Variants in RIF1 observed in about 807,000 individuals in gnomAD.
The protein encoded by RIF1 is replication timing regulatory factor 1.
In RIF1, 45 loss-of-function variants were observed where a neutral mutation model predicts 247.1. The observed-to-expected ratio is 0.18, with a 90% confidence interval of 0.14 to 0.23. The LOEUF (loss-of-function observed/expected upper bound fraction) is 0.23, where lower values mean the gene tolerates loss of function less well. Among genes scored for constraint, RIF1 ranks in the 10% least tolerant of loss-of-function variants. RIF1 has a pLI of 1.00. For synonymous variants in RIF1, 1,087 were observed against 978.8 expected, an observed-to-expected ratio of 1.11 and a Z score of -2.06; for missense variants, 2,967 against 2,862.5, an observed-to-expected ratio of 1.04 and a Z score of -0.83.
chr2:151,425,723 G>A (rs1435142100), intron 8 of RIF1, among the ~76,000 whole-genome samples: 3 of 131,466 alleles, frequency 2.3e-5, no homozygotes, highest in African/African-American at 8.8e-5. Context: ...CTGGAGTGCA[G>A]TGGCATGATC....
chr2:151,465,302 C>A lies in RIF1; in HGVS notation c.5782C>A (p.His1928Asn). The change falls in exon 30 of 36, where the codon CAT becomes AAT. Residue 1928 changes from histidine to asparagine, a missense_variant. Around this residue, in one of 7 missense-constraint regions of RIF1, gnomAD observed 2,028 missense variants for 1,825.6 expected, o/e 1.11. Coordinates refer to ENST00000444746, the MANE Select transcript of RIF1 (RefSeq NM_018151.5). ...ELNVGNEASF[H>N]GQERTKTGIS... ...GAATGTAGGAAATGAAGCTAGCTTTCATGGACAAGAGAGAACCAAAACTGG... is the reference window on the plus strand; with the variant it reads ...GAATGTAGGAAATGAAGCTAGCTTTAATGGACAAGAGAGAACCAAAACTGG... The A allele has an allele frequency of 6.2e-7, 1 of 1,612,716 alleles. No individual in the cohort carries two copies.
At chr2:151,505,977 A>G in intron 12 of RIF1, 6 of 612,466 alleles carry the variant, frequency 9.8e-6, no homozygotes, top group African/African-American at 3.7e-5. Context: ...TCTCTCCCTC[A>G]TGAAAACCGC....
At chr2:151,492,528 G>T in intron 9 of RIF1, 1 of 1,476,654 alleles carries the variant, frequency 6.8e-7, no homozygotes, top group Non-Finnish European at 9.4e-7. Context: ...GAGTGGTGCT[G>T]TCCTAAATCT....
At chr2:151,516,658 T>C in the RIF1 span, 1 of 813,734 alleles carries the variant, frequency 1.2e-6, no homozygotes, top group Non-Finnish European at 2.1e-6. Context: ...GTTCTGTCAA[T>C]TGGATGGCAT....
At chr2:151,435,312 A>G (rs1181879837) in intron 10 of RIF1, 151 bp from the exon 11 acceptor site, 1 of 586,500 alleles carries the variant, frequency 1.7e-6, no homozygotes, top group African/African-American at 1.8e-5. Flanking sequence ...TATTTTTTCC[A>G]AATTCCACTT....
In RIF1 at chr2:151,464,275, A is replaced by G. The variant is rs1217615671; in HGVS notation, c.4755A>G (p.Gln1585=). 1.2e-6 allele frequency: 2 copies of G among 1,613,924 alleles called. No homozygotes were observed. Residue 1585 remains glutamine, a synonymous_variant, in exon 30 of 36, where the codon CAA becomes CAG. Transcript: ENST00000444746. ...KSNESVDIQD[Q]EEKVVKQECI... ...ATGAAAGTGTTGACATTCAAGATCAAGAAGAGAAAGTGGTGAAACAGGAAT... is the reference window on the plus strand; with the variant it reads ...ATGAAAGTGTTGACATTCAAGATCAGGAAGAGAAAGTGGTGAAACAGGAAT...
intron 10 of RIF1, chr2:151,497,431 T>C (rs1010489437): frequency 1.0e-6 from 1 of 979,536 alleles, no homozygotes; most frequent in African/African-American, 1.8e-5. Flanking sequence ...AATAAAAAAT[T>C]GAAATTAACT....
chr2:151,503,022 CT>C (rs2065915329), intron 11 of RIF1: 2 of 614,702 alleles, frequency 3.3e-6, no homozygotes, highest in Non-Finnish European at 5.6e-6. Flanking sequence ...AATGTTTTTA[CT>C]TTTTTCACAG....
the RIF1 span, among the ~76,000 whole-genome samples, chr2:151,528,377 GT>G: frequency 1.3e-4 from 20 of 152,148 alleles, no homozygotes; most frequent in Admixed American, 9.8e-4. Flanking sequence ...ATTTAATAAG[GT>G]TTTTTTCCCC....
the RIF1 span, chr2:151,514,385 C>T: frequency 1.9e-6 from 3 of 1,613,674 alleles, no homozygotes; most frequent in East Asian, 2.2e-5. Context: ...TTCAGTGAGG[C>T]CCTTCCCACG....
At position 151,465,676 on chromosome 2, in the gene RIF1, T is replaced by C. The variant is rs1264205819; in HGVS notation, c.6156T>C (p.Asp2052=). ...TAACTACCAAAACCTCAAAGCCTGA[T>C]GAAGCTGAAACAAACATGTTGACTG... is the stretch of plus-strand genomic sequence containing the variant. The part of the protein sequence containing the change: ...EGITTKTSKP[D]EAETNMLTAE... Residue 2052 remains aspartate (D), a synonymous_variant, in exon 30 of 36, where the codon GAT becomes GAC. Coordinates refer to ENST00000444746, the MANE Select transcript of RIF1 (RefSeq NM_018151.5). The C allele has an allele frequency of 1.2e-5, 19 of 1,614,034 alleles. 1 individual carries two copies. Among genetic ancestry groups the C allele is most frequent in the Admixed American group, 8.3e-5 (5 of 59,996 alleles).
At chr2:151,449,021 C>T (rs186500797) in intron 20 of RIF1, among the ~76,000 whole-genome samples, 329 of 152,294 alleles carry the variant, frequency 2.2e-3, no homozygotes, top group African/African-American at 5.8e-3. Flanking sequence ...AAAGAATTTA[C>T]GTCTTTCTAA....
chr2:151,425,996 A>G (rs1689005137), intron 8 of RIF1, among the ~76,000 whole-genome samples: 1 of 150,236 alleles, frequency 6.7e-6, no homozygotes, highest in African/African-American at 2.5e-5. Flanking sequence ...CCCTTTTGAA[A>G]ATCAATTGAA....
chr2:151,510,242 T>G (rs576839373), downstream of RIF1, among the ~76,000 whole-genome samples: 39 of 151,672 alleles, frequency 2.6e-4, no homozygotes, highest in Admixed American at 2.6e-3. Flanking sequence ...GCCTGGGGAG[T>G]TTTTTTTAGA....
At chr2:151,533,008 C>A in the RIF1 span, among the ~76,000 whole-genome samples, 1 of 152,100 alleles carries the variant, frequency 6.6e-6, no homozygotes, top group Non-Finnish European at 1.5e-5. Flanking sequence ...CATAGAGCTG[C>A]ACGGTAATCC....
At chr2:151,455,226 A>AT in intron 22 of RIF1, 67 bp downstream of exon 22, 2 of 1,223,664 alleles carry the variant, frequency 1.6e-6, no homozygotes, top group Non-Finnish European at 2.3e-6. Flanking sequence ...AGCAACTTTT[A>AT]TTTTTTAATC....
chr2:151,424,192 C>G (rs1482243171), intron 8 of RIF1, among the ~76,000 whole-genome samples: 2 of 152,152 alleles, frequency 1.3e-5, no homozygotes, highest in Admixed American at 1.3e-4. Flanking sequence ...CAACCTCTGC[C>G]TCCCGGGTTC....
the RIF1 span, chr2:151,519,747 C>G: frequency 6.2e-7 from 1 of 1,611,474 alleles, no homozygotes; most frequent in South Asian, 1.1e-5. Flanking sequence ...TTTTCTTTAT[C>G]GAAATTTTCT....
intron 20 of RIF1, among the ~76,000 whole-genome samples, chr2:151,448,449 T>C (rs566565655): frequency 6.6e-6 from 1 of 152,336 alleles, no homozygotes; most frequent in South Asian, 2.1e-4. Context: ...ATGTTCATTG[T>C]TTTAGTGTTT....
Sources: allele counts gnomAD v4.1 joint callset (sites outside exome capture counted in the v4.1 genomes callset), GRCh38; gene constraint gnomAD v4.1.1; regional missense constraint gnomAD v4.1.1; transcripts MANE v1.5; gene names NCBI Gene and HGNC (gene_info 2026-07-23, HGNC 2026-07-21).